The following PDILT variants were observed in gnomAD, a reference collection of about 807,000 sequenced individuals.
PDILT encodes the protein protein disulfide isomerase like, testis expressed.
Under a neutral mutation model 53.7 loss-of-function variants are expected in PDILT, and 43 were observed. The ratio of observed to expected loss-of-function variants is 0.80; its 90% CI spans 0.63 to 1.03. PDILT has a LOEUF of 1.03. PDILT is among the 50% of genes least tolerant of loss of function. PDILT has a pLI of 0.00. For synonymous variants in PDILT, 282 were observed against 274.2 expected, an observed-to-expected ratio of 1.03 and a Z score of -0.28; for missense variants, 727 against 712.3, an observed-to-expected ratio of 1.02 and a Z score of -0.24.
intron 1 of PDILT, among the ~76,000 whole-genome samples, chr16:20,403,991 T>C (rs1339858956): frequency 6.6e-6 from 1 of 152,224 alleles, no homozygotes; most frequent in Non-Finnish European, 1.5e-5. Flanking sequence ...TTCAGCACTC[T>C]CTGCCATATC....
chr16:20,392,393 A>G (rs933770945), intron 2 of PDILT, among the ~76,000 whole-genome samples: 2 of 152,136 alleles, frequency 1.3e-5, no homozygotes, highest in Non-Finnish European at 2.9e-5. Flanking sequence ...AGCTCCCCCA[A>G]CCACTGGCTC....
chr16:20,398,966 T>TATA (rs1966695024), intron 2 of PDILT, 133 bp downstream of exon 2: 5 of 958,604 alleles, frequency 5.2e-6, no homozygotes, highest in Non-Finnish European at 7.9e-6. Flanking sequence ...GCTGTCTATA[T>TATA]ATATTAAATG....
intron 6 of PDILT, 35 bp downstream of exon 6, chr16:20,372,977 G>A (rs1345948179): frequency 6.2e-7 from 1 of 1,613,540 alleles, no homozygotes; most frequent in Non-Finnish European, 8.5e-7. Flanking sequence ...AGTGGCCCCA[G>A]CTCCCCTTCC....
At chr16:20,362,723 T>C (rs1966124726) in intron 9 of PDILT, 141 bp from the exon 10 acceptor site, 1 of 661,896 alleles carries the variant, frequency 1.5e-6, no homozygotes, top group South Asian at 2.1e-5. Context: ...TAATCATATA[T>C]TAGATTATTT....
At chr16:20,403,414 C>G (rs531456539) in intron 1 of PDILT, among the ~76,000 whole-genome samples, 141 of 152,252 alleles carry the variant, frequency 9.3e-4, no homozygotes, top group Non-Finnish European at 1.7e-3. Flanking sequence ...TTCAACCTCC[C>G]TAGCAGCTGG....
Position 20,363,047 on chromosome 16 carries a change from G to T in PDILT, c.1238-465C>A, listed in dbSNP as rs1452804518. Among the ~76,000 whole-genome samples the T allele has an allele frequency of 2.2e-5, 3 of 137,318 alleles. No homozygotes were observed. The Admixed American group carries it at 2.3e-4, about 10-fold the overall frequency. The allele number at this position is 137,318 out of a possible 152,430, so 90.1% of individuals were successfully genotyped here. A position where few individuals can be genotyped will look rare whatever the true frequency, so the allele number is the denominator to read the frequency against. On this transcript the variant is annotated intron_variant, in intron 9 of 11. Coordinates refer to ENST00000302451, the MANE Select transcript of PDILT (RefSeq NM_174924.2). ...AGATTGCGCCACTGCACTCGAGTCTGGGTGACAGAGAGAGACTCCATCTCA... is the reference window on the plus strand; with the variant it reads ...AGATTGCGCCACTGCACTCGAGTCTTGGTGACAGAGAGAGACTCCATCTCA...
In PDILT at chr16:20,383,655, G is replaced by A. The variant is rs1015198344; in HGVS notation, c.409+990C>T. ...ATGTGTGTTTCTTGCAAATAACACT[G>A]AATCCAGCTTATTGGAAGCTGGCTA... On this transcript the variant is annotated intron_variant, in intron 3 of 11. Transcript: ENST00000302451. Among the ~76,000 whole-genome samples, 14 of 152,180 alleles carry A rather than the reference G, an allele frequency of 9.2e-5. 1 individual carries two copies. Among genetic ancestry groups the A allele is most frequent in the African/African-American group, 3.4e-4 (14 of 41,444 alleles).
chr16:20,387,309 G>T (rs1212436048), intron 2 of PDILT, among the ~76,000 whole-genome samples: 1 of 152,186 alleles, frequency 6.6e-6, no homozygotes, highest in Non-Finnish European at 1.5e-5. Context: ...TAAGTAGGAG[G>T]CTAAAGATGG....
chr16:20,387,573 T>C (rs72776681), intron 2 of PDILT, among the ~76,000 whole-genome samples: 3,213 of 152,214 alleles, frequency 0.021, 55 homozygotes, highest in Middle Eastern at 0.079. Context: ...ACCAGAGGGT[T>C]TGGAGCAGAG....
intron 1 of PDILT, among the ~76,000 whole-genome samples, chr16:20,402,162 C>T (rs566818068): frequency 1.6e-4 from 25 of 152,320 alleles, no homozygotes; most frequent in African/African-American, 5.8e-4. Flanking sequence ...ATATTCCTTA[C>T]ATCTTAGTAG....
chr16:20,403,479 G>C (rs376634109), intron 1 of PDILT, among the ~76,000 whole-genome samples: 2 of 151,872 alleles, frequency 1.3e-5, no homozygotes, highest in Non-Finnish European at 2.9e-5. Flanking sequence ...TAGTAGAAAC[G>C]GGATTTCACC....
At chr16:20,394,974 C>T (rs1450709750) in intron 2 of PDILT, among the ~76,000 whole-genome samples, 1 of 152,166 alleles carries the variant, frequency 6.6e-6, no homozygotes, top group Non-Finnish European at 1.5e-5. Context: ...CCAGTAAACA[C>T]AGTGATCTTT....
chr16:20,376,940 T>C lies in PDILT; in HGVS notation c.410-739A>G, dbSNP rs1380066655. ...CAGTTTCACATGATGGAAAGTAATG[T>C]AAAATATTATATATTTGTATCTGCT... On this transcript the variant is annotated intron_variant, in intron 3 of 11. Transcript: ENST00000302451. Among the ~76,000 whole-genome samples the C allele has an allele frequency of 6.3e-4, 96 of 152,242 alleles. 1 individual carries two copies. Among genetic ancestry groups the C allele is most frequent in the Admixed American group, 6.3e-3 (96 of 15,280 alleles).
intron 2 of PDILT, among the ~76,000 whole-genome samples, chr16:20,395,123 T>G (rs1596597856): frequency 6.6e-6 from 1 of 152,354 alleles, no homozygotes; most frequent in South Asian, 2.1e-4. Flanking sequence ...AATAAGATGC[T>G]TGACACATTT....
At chr16:20,387,613 T>C (rs1182539885) in intron 2 of PDILT, among the ~76,000 whole-genome samples, 1 of 151,792 alleles carries the variant, frequency 6.6e-6, no homozygotes, top group African/African-American at 2.4e-5. Flanking sequence ...CTCTTTTTCT[T>C]TTCTTTTTTC....
intron 2 of PDILT, among the ~76,000 whole-genome samples, chr16:20,398,124 C>T (rs1460389977): frequency 6.6e-6 from 1 of 152,160 alleles, no homozygotes; most frequent in African/African-American, 2.4e-5. Context: ...AATGATGTCA[C>T]ATTTAATGAA....
chr16:20,363,310 A>G (rs1299612349), intron 9 of PDILT, among the ~76,000 whole-genome samples: 4 of 152,124 alleles, frequency 2.6e-5, no homozygotes, highest in Admixed American at 6.5e-5. Flanking sequence ...TGCTGGGACT[A>G]CAGGCTTGTG....
At chr16:20,402,452 T>C (rs372601042) in intron 1 of PDILT, among the ~76,000 whole-genome samples, 101 of 152,234 alleles carry the variant, frequency 6.6e-4, no homozygotes, top group African/African-American at 2.4e-3. Context: ...GCGCGTGCCA[T>C]CATGCCCGGC....
At position 20,378,308 on chromosome 16, in the gene PDILT, C is replaced by T. The variant is rs527299965; in HGVS notation, c.410-2107G>A. Among the ~76,000 whole-genome samples, 6 of 152,316 alleles carry T rather than the reference C, an allele frequency of 3.9e-5. No homozygotes were observed. In the South Asian group the frequency reaches 1.2e-3, roughly 32 times the overall value. ...ATCGAGAACTAGAACATCACCAGAT[C>T]CTCAGCAGTCCCTGTTGTGCCCACT... is the stretch of plus-strand genomic sequence containing the variant. On this transcript the variant is annotated intron_variant, in intron 3 of 11. Transcript: ENST00000302451.
Sources: allele counts gnomAD v4.1 joint callset (sites outside exome capture counted in the v4.1 genomes callset), GRCh38; gene constraint gnomAD v4.1.1; transcripts MANE v1.5; gene names NCBI Gene and HGNC (gene_info 2026-07-23, HGNC 2026-07-21).